Variants in CCDC39 observed in about 807,000 individuals in gnomAD.
The protein encoded by CCDC39 is coiled-coil domain-containing protein 39.
CCDC39 carries 113 observed loss-of-function variants against 121.0 expected under a neutral mutation model. The observed-to-expected ratio is 0.93, with a 90% CI of 0.80 to 1.09. The LOEUF (loss-of-function observed/expected upper bound fraction) is 1.09, where lower values mean the gene tolerates loss of function less well. CCDC39 is among the 50% of genes least tolerant of loss of function. The pLI is 0.00. For synonymous variants in CCDC39, 349 were observed against 352.2 expected, an observed-to-expected ratio of 0.99 and a Z score of 0.10; for missense variants, 1,063 against 1,074.7, an observed-to-expected ratio of 0.99 and a Z score of 0.15.
At chr3:180,677,166 TTTTATA>T (rs1378886683) in intron 1 of CCDC39, among the ~76,000 whole-genome samples, 90 of 40,904 alleles carry the variant, frequency 2.2e-3, no homozygotes, top group African/African-American at 9.6e-3. Context: ...ATAATAATAA[TTTTATA>T]TATATATATA....
At chr3:180,646,895 C>A (rs1289476818) in intron 11 of CCDC39, among the ~76,000 whole-genome samples, 184 bp downstream of exon 11, 1 of 151,960 alleles carries the variant, frequency 6.6e-6, no homozygotes, top group Non-Finnish European at 1.5e-5. Flanking sequence ...TTAGCATATA[C>A]TAAATGCATC....
chr3:180,662,530 A>C (rs1013328023), intron 2 of CCDC39, among the ~76,000 whole-genome samples: 4 of 152,136 alleles, frequency 2.6e-5, no homozygotes, highest in Admixed American at 2.6e-4. Context: ...ACAGTGCTTC[A>C]AAGTTATCAC....
intron 12 of CCDC39, among the ~76,000 whole-genome samples, chr3:180,643,422 T>G (rs1007808876): frequency 6.6e-6 from 1 of 152,136 alleles, no homozygotes; most frequent in African/African-American, 2.4e-5. Context: ...TATTTAAACA[T>G]AAATGTTTGA....
At chr3:180,656,727 AC>A (rs146360758) in intron 6 of CCDC39, among the ~76,000 whole-genome samples, 32,150 of 151,580 alleles carry the variant, frequency 0.21, 3,689 homozygotes, top group East Asian at 0.4. Flanking sequence ...ACCAGCTAAA[AC>A]CCCCCCTGAC....
chr3:180,672,782 T>C (rs550277455), intron 1 of CCDC39, among the ~76,000 whole-genome samples: 4 of 152,316 alleles, frequency 2.6e-5, no homozygotes, highest in South Asian at 2.1e-4. Context: ...ATATCTGCCA[T>C]AGATAGTGAT....
chr3:180,616,718 T>G, intron 17 of CCDC39, 23 bp from the exon 18 acceptor site: 1 of 1,578,948 alleles, frequency 6.3e-7, no homozygotes. Flanking sequence ...AATAGTCAAT[T>G]ATTCTATAAA....
chr3:180,663,449 G>A (rs773093550), intron 2 of CCDC39, among the ~76,000 whole-genome samples: 4 of 151,964 alleles, frequency 2.6e-5, no homozygotes, highest in Non-Finnish European at 5.9e-5. Flanking sequence ...GAGGCGGGAG[G>A]ATCACCTGAG....
chr3:180,632,360 A>T (rs1717720954), intron 13 of CCDC39, among the ~76,000 whole-genome samples: 1 of 152,168 alleles, frequency 6.6e-6, no homozygotes, highest in Admixed American at 6.5e-5. Flanking sequence ...GGCAATATGG[A>T]GAGTGCCTCA....
chr3:180,627,408 G>A (rs1201944539), intron 14 of CCDC39, among the ~76,000 whole-genome samples: 2 of 152,006 alleles, frequency 1.3e-5, no homozygotes, highest in Non-Finnish European at 2.9e-5. Context: ...TGGACTACTG[G>A]GTCAGTTTCT....
At chr3:180,677,170 A>T (rs1163265255) in intron 1 of CCDC39, among the ~76,000 whole-genome samples, 24 of 28,226 alleles carry the variant, frequency 8.5e-4, no homozygotes, top group African/African-American at 2.8e-3. Context: ...TAATAATTTT[A>T]TATATATATA....
intron 13 of CCDC39, among the ~76,000 whole-genome samples, chr3:180,633,500 A>C (rs1159447053): frequency 1.3e-5 from 2 of 152,208 alleles, no homozygotes; most frequent in African/African-American, 4.8e-5. Context: ...TCTTCAATGT[A>C]AGAGCAGTGA....
In CCDC39 at chr3:180,631,461, A is replaced by G. The variant is rs1306105807; in HGVS notation, c.1998+8T>C. On this transcript the variant is annotated splice_region_variant and intron_variant, in intron 14 of 19. Coordinates refer to ENST00000476379, the MANE Select transcript of CCDC39 (RefSeq NM_181426.2). ...ATACCATCACAACTGTGAATCAATT[A>G]AAATTACCTTTATTACATAATAGGC... 6.3e-7 allele frequency: 1 copy of G among 1,596,144 alleles called. No homozygotes were observed. The highest frequency in any genetic ancestry group is 8.5e-7 in the Non-Finnish European group (1 of 1,176,328).
chr3:180,673,956 T>C lies in CCDC39; in HGVS notation c.90+5335A>G, dbSNP rs114869011. On this transcript the variant is annotated intron_variant, in intron 1 of 19. Transcript: ENST00000476379. Reference sequence around the variant, plus strand: ...AAATTAAAATGACAGTACTTGGCAATGCAGGCTCTTTCTTGGTTCCATATA... The same window carrying C: ...AAATTAAAATGACAGTACTTGGCAACGCAGGCTCTTTCTTGGTTCCATATA... 6.5e-3 allele frequency among the ~76,000 whole-genome samples: 988 copies of C among 152,054 alleles called. 12 individuals carry two copies. The highest frequency in any genetic ancestry group is 0.023 in the African/African-American group (947 of 41,488).
chr3:180,616,701 G>A lies in CCDC39; in HGVS notation c.2407-6C>T. 2 of 1,581,856 alleles carry A rather than the reference G, an allele frequency of 1.3e-6. No individual in the cohort carries two copies. Among genetic ancestry groups the A allele is most frequent in the Non-Finnish European group, 1.7e-6 (2 of 1,162,576 alleles). On this transcript the variant is annotated splice_polypyrimidine_tract_variant and splice_region_variant and intron_variant, in intron 17 of 19. Coordinates refer to ENST00000476379, the MANE Select transcript of CCDC39 (RefSeq NM_181426.2). ...TCCTTTGTGAGTTTTGCACACTGTT[G>A]GTAAATAATAGTCAATTATTCTATA...
In CCDC39 at chr3:180,616,576, T is replaced by C. The variant is rs1717252361; in HGVS notation, c.2526A>G (p.Leu842=). 6.2e-7 allele frequency: 1 copy of C among 1,601,890 alleles called. No individual in the cohort carries two copies. The highest frequency in any genetic ancestry group is 8.5e-7 in the Non-Finnish European group (1 of 1,174,600). The change falls in exon 18 of 20, where the codon TTA becomes TTG. Residue 842 remains leucine, a synonymous_variant. Transcript: ENST00000476379. ...CAGTATTTTCTTCTATGATATCAACTAACATTTCATCAATAACTTTGTGAA... is the reference window on the plus strand; with the variant it reads ...CAGTATTTTCTTCTATGATATCAACCAACATTTCATCAATAACTTTGTGAA... ...KQFHKVIDEM[L]VDIIEENTEI...
At chr3:180,666,541 T>G (rs770410623) in intron 1 of CCDC39, among the ~76,000 whole-genome samples, 3 of 152,192 alleles carry the variant, frequency 2.0e-5, no homozygotes, top group Non-Finnish European at 4.4e-5. Context: ...TGCTTTTAAG[T>G]AATTAGCTTT....
Position 180,671,993 on chromosome 3 carries a change from G to A in CCDC39, c.90+7298C>T, listed in dbSNP as rs553286104. Among the ~76,000 whole-genome samples, 25 of 152,300 alleles carry A rather than the reference G, an allele frequency of 1.6e-4. 1 individual carries two copies. In the South Asian group the frequency reaches 5.0e-3, roughly 30 times the overall value. The stretch of plus-strand genomic sequence containing the variant: ...ACAGATTTTCAACATAGATGAAACA[G>A]CCATATATTAAAAGAAGATGCCATC... On this transcript the variant is annotated intron_variant, in intron 1 of 19. Coordinates refer to ENST00000476379, the MANE Select transcript of CCDC39 (RefSeq NM_181426.2).
rs75857130 is a variant in CCDC39 at position 180,654,624 on chromosome 3, TA to T, written c.930+137del. ...AAAAGTTCCACAAACAAAGAGACAT[TA>T]AAAAAAAAAAAAGAAAAAGGAAAAA... is the stretch of plus-strand genomic sequence containing the variant. On this transcript the variant is annotated intron_variant, in intron 7 of 19. Coordinates refer to ENST00000476379, the MANE Select transcript of CCDC39 (RefSeq NM_181426.2). 0.19 allele frequency: 56,935 copies of T among 301,504 alleles called. 18 individuals are homozygous for T. Among genetic ancestry groups the T allele is most frequent in the East Asian group, 0.23 (3,968 of 17,438 alleles). The allele number at this position is 301,504 out of a possible 1,614,324, so 18.7% of individuals were successfully genotyped here.
chr3:180,633,640 G>A (rs1717754967), intron 13 of CCDC39, among the ~76,000 whole-genome samples: 1 of 152,006 alleles, frequency 6.6e-6, no homozygotes, highest in African/African-American at 2.4e-5. Flanking sequence ...AAGAAACCTG[G>A]AGGACAGACC....
Sources: allele counts gnomAD v4.1 joint callset (sites outside exome capture counted in the v4.1 genomes callset), GRCh38; gene constraint gnomAD v4.1.1; transcripts MANE v1.5; gene names NCBI Gene and HGNC (gene_info 2026-07-23, HGNC 2026-07-21).